The following DNAH8 variants were observed in gnomAD, a reference collection of about 807,000 sequenced individuals.
DNAH8 encodes the protein dynein axonemal heavy chain 8, also known as axonemal beta dynein heavy chain 8.
DNAH8 carries 382 observed loss-of-function variants against 562.1 expected under a neutral mutation model. The ratio of observed to expected loss-of-function variants is 0.68; its 90% CI spans 0.63 to 0.74. The LOEUF is 0.74. Among genes scored for constraint, DNAH8 ranks in the 30% least tolerant of loss-of-function variants. The pLI is 0.00. For missense variants in DNAH8, 5,203 were observed against 5,620.4 expected (o/e 0.93, Z 2.37); for synonymous variants, 1,881 against 1,919.4 (o/e 0.98, Z 0.52).
intron 41 of DNAH8, among the ~76,000 whole-genome samples, chr6:38,854,279 C>T (rs910209613): frequency 5.9e-5 from 9 of 152,124 alleles, no homozygotes; most frequent in African/African-American, 2.2e-4. Context: ...TTTCATTACA[C>T]TTTCATTCAA....
chr6:38,760,983 C>A (rs1766439410), intron 10 of DNAH8, among the ~76,000 whole-genome samples: 1 of 151,956 alleles, frequency 6.6e-6, no homozygotes. Flanking sequence ...TCAATTTATT[C>A]TCTCCCCTTG....
chr6:38,800,743 C>A (rs574118158), intron 21 of DNAH8, among the ~76,000 whole-genome samples: 1 of 152,264 alleles, frequency 6.6e-6, no homozygotes, highest in Admixed American at 6.5e-5. Context: ...GCTCAAACCC[C>A]TGACCTCGAA....
chr6:38,788,377 C>T (rs2127652035), intron 18 of DNAH8, among the ~76,000 whole-genome samples: 1 of 152,296 alleles, frequency 6.6e-6, no homozygotes, highest in East Asian at 1.9e-4. Context: ...GTCTCGATCT[C>T]TTGACCTTGT....
chr6:38,863,720 T>C (rs1016840729), intron 44 of DNAH8, among the ~76,000 whole-genome samples, 153 bp from the exon 45 acceptor site: 1 of 152,234 alleles, frequency 6.6e-6, no homozygotes, highest in African/African-American at 2.4e-5. Flanking sequence ...TCTTTATCAC[T>C]GGAATTAAAT....
chr6:38,978,515 T>C (rs1173368852), intron 85 of DNAH8, among the ~76,000 whole-genome samples: 1 of 152,272 alleles, frequency 6.6e-6, no homozygotes, highest in African/African-American at 2.4e-5. Flanking sequence ...TCTTTTACAC[T>C]CTGCCCCATA....
At chr6:38,968,295 T>A (rs1010285440) in intron 82 of DNAH8, among the ~76,000 whole-genome samples, 1 of 152,140 alleles carries the variant, frequency 6.6e-6, no homozygotes, top group Non-Finnish European at 1.5e-5. Flanking sequence ...ATTGATAAAT[T>A]GGACTTCATC....
At chr6:38,805,344 G>T in intron 22 of DNAH8, 137 bp from the exon 23 acceptor site, 1 of 599,478 alleles carries the variant, frequency 1.7e-6, no homozygotes, top group Non-Finnish European at 3.0e-6. Context: ...GAACAAATGC[G>T]AAAAGCATTT....
chr6:38,781,430 A>G (rs1166906555), intron 16 of DNAH8, 57 bp downstream of exon 16: 2 of 1,165,954 alleles, frequency 1.7e-6, no homozygotes, highest in Non-Finnish European at 2.4e-6. Flanking sequence ...TATAACAAAT[A>G]TATCATATCC....
chr6:38,866,507 C>T, intron 45 of DNAH8, 84 bp from the exon 46 acceptor site: 1 of 952,918 alleles, frequency 1.0e-6, no homozygotes, highest in Non-Finnish European at 1.6e-6. Flanking sequence ...ATCTTAAAAT[C>T]TGAATTAGGG....
intron 88 of DNAH8, among the ~76,000 whole-genome samples, chr6:38,995,901 A>G (rs914482802): frequency 1.3e-5 from 2 of 152,156 alleles, no homozygotes; most frequent in Non-Finnish European, 2.9e-5. Context: ...CCACTTCACT[A>G]TGGTGTTGCC....
chr6:39,009,801 T>C (rs1361881787), intron 89 of DNAH8, among the ~76,000 whole-genome samples: 1 of 152,180 alleles, frequency 6.6e-6, no homozygotes, highest in African/African-American at 2.4e-5. Flanking sequence ...TTGTTTCCAT[T>C]GTGTAGATAG....
chr6:38,834,496 A>T lies in DNAH8; in HGVS notation c.4303-83A>T, dbSNP rs1273446370. On this transcript the variant is annotated intron_variant, in intron 31 of 92. Coordinates refer to ENST00000327475, the MANE Select transcript of DNAH8 (RefSeq NM_001206927.2). ...AAATTAAAAAAATGCTTGTTTACTT[A>T]AATGGAAATAATAGATAAACCCAAT... The T allele has an allele frequency of 4.3e-6, 4 of 931,324 alleles. No individual in the cohort carries two copies. The South Asian group carries it at 7.1e-5, about 17-fold the overall frequency. The allele number at this position is 931,324 out of a possible 1,614,324, so 57.7% of individuals were successfully genotyped here.
chr6:38,837,925 A>G lies in DNAH8; in HGVS notation c.4366-17A>G. The G allele has an allele frequency of 6.4e-7, 1 of 1,554,088 alleles. No individual in the cohort carries two copies. The highest frequency in any genetic ancestry group is 8.8e-7 in the Non-Finnish European group (1 of 1,130,586). The stretch of plus-strand genomic sequence containing the variant: ...AATTAATTGTATTTTAGTACAATTT[A>G]AAAACCTTTGTTACAGGCCAGTTTC... On this transcript the variant is annotated splice_polypyrimidine_tract_variant and intron_variant, in intron 32 of 92. Coordinates refer to ENST00000327475, the MANE Select transcript of DNAH8 (RefSeq NM_001206927.2).
intron 66 of DNAH8, among the ~76,000 whole-genome samples, 155 bp downstream of exon 66, chr6:38,911,741 C>A (rs906827081): frequency 1.3e-5 from 2 of 152,112 alleles, no homozygotes; most frequent in Admixed American, 1.3e-4. Context: ...GTATTTTGAC[C>A]TGTCGAGAAA....
intron 83 of DNAH8, 77 bp from the exon 84 acceptor site, chr6:38,973,584 A>C (rs113221395): frequency 8.9e-6 from 11 of 1,234,332 alleles, no homozygotes; most frequent in Non-Finnish European, 1.2e-5. Flanking sequence ...GTTTTTAAAA[A>C]AAGTGCACAT....
chr6:38,733,395 A>G (rs1236332883), intron 4 of DNAH8, among the ~76,000 whole-genome samples: 1 of 152,214 alleles, frequency 6.6e-6, no homozygotes, highest in African/African-American at 2.4e-5. Flanking sequence ...AGGTGGATAC[A>G]ATGAGTGTAT....
At chr6:38,939,101 A>G (rs1783224932) in intron 79 of DNAH8, 113 bp downstream of exon 79, 6 of 762,420 alleles carry the variant, frequency 7.9e-6, no homozygotes, top group Non-Finnish European at 1.2e-5. Context: ...GTTCTAACGA[A>G]AGTTTAATTA....
Position 38,851,471 on chromosome 6 carries a change from A to G in DNAH8, c.5364-101A>G, listed in dbSNP as rs1400893650. 6 of 693,364 alleles carry G rather than the reference A, an allele frequency of 8.7e-6. No individual in the cohort carries two copies. In the Admixed American group the frequency reaches 1.2e-4, roughly 14 times the overall value. 43.0% of individuals were successfully genotyped at this position (693,364 alleles called of 1,614,324 possible). On this transcript the variant is annotated intron_variant, in intron 38 of 92. Coordinates refer to ENST00000327475, the MANE Select transcript of DNAH8 (RefSeq NM_001206927.2). ...TGATAAGTGACTTTAGGTGTTTGCT[A>G]TTATCTTAGCAAAGATGTTAGTGAT... is the stretch of plus-strand genomic sequence containing the variant.
intron 27 of DNAH8, 76 bp downstream of exon 27, chr6:38,823,110 A>C: frequency 7.5e-7 from 1 of 1,332,338 alleles, no homozygotes; most frequent in Non-Finnish European, 1.0e-6. Flanking sequence ...GGAAAATATC[A>C]GGGATAATGA....
Sources: allele counts gnomAD v4.1 joint callset (sites outside exome capture counted in the v4.1 genomes callset), GRCh38; gene constraint gnomAD v4.1.1; transcripts MANE v1.5; gene names NCBI Gene and HGNC (gene_info 2026-07-23, HGNC 2026-07-21).